COL27A1: variants seen among roughly 807,000 people sequenced by gnomAD.
COL27A1 encodes the protein collagen alpha-1(XXVII) chain.
Under a neutral mutation model 251.3 loss-of-function variants are expected in COL27A1, and 106 were observed. The ratio of observed to expected loss-of-function variants is 0.42; its 90% CI spans 0.36 to 0.50. COL27A1 has a LOEUF of 0.50. COL27A1 is among the 20% of genes least tolerant of loss of function. The pLI, the probability that COL27A1 is intolerant of heterozygous loss-of-function variation, is 0.00. For missense variants in COL27A1, 2,325 were observed against 2,522.8 expected, an observed-to-expected ratio of 0.92 and a Z score of 1.68; for synonymous variants, 1,000 against 986.3, an observed-to-expected ratio of 1.01 and a Z score of -0.26.
chr9:114,299,489 G>C (rs986289291), intron 49 of COL27A1, among the ~76,000 whole-genome samples: 2 of 152,208 alleles, frequency 1.3e-5, no homozygotes, highest in Non-Finnish European at 2.9e-5. Context: ...GAGGCCAAAG[G>C]TTCCTGGAAT....
chr9:114,235,530 G>T, intron 16 of COL27A1, 69 bp from the exon 17 acceptor site: 1 of 1,179,502 alleles, frequency 8.5e-7, no homozygotes, highest in Non-Finnish European at 1.3e-6. Context: ...CTCGCCAGGG[G>T]GTCTGTGGGG....
chr9:114,305,965 AC>A (rs1238501765), intron 57 of COL27A1, among the ~76,000 whole-genome samples: 1 of 152,228 alleles, frequency 6.6e-6, no homozygotes, highest in East Asian at 1.9e-4. Context: ...GGCCAGGGTA[AC>A]CCTGAATGGC....
At position 114,246,086 on chromosome 9, in the gene COL27A1, G is replaced by A; in HGVS notation, c.2979+176G>A. 3 of 558,556 alleles carry A rather than the reference G, an allele frequency of 5.4e-6. No individual in the cohort carries two copies. In the South Asian group the frequency reaches 7.7e-5, roughly 14 times the overall value. 34.6% of individuals were successfully genotyped at this position (558,556 alleles called of 1,614,324 possible). A position where few individuals can be genotyped will look rare whatever the true frequency, so the allele number is the denominator to read the frequency against. ...TGTGGACGGTGACCCTCAGAACGGGGAAGTCTGTAAATGAGAAAGCTGTGG... is the reference window on the plus strand; with the variant it reads ...TGTGGACGGTGACCCTCAGAACGGGAAAGTCTGTAAATGAGAAAGCTGTGG... On this transcript the variant is annotated intron_variant, in intron 24 of 60. Transcript: ENST00000356083.
intron 23 of COL27A1, among the ~76,000 whole-genome samples, chr9:114,245,020 C>T (rs1447594471): frequency 1.3e-5 from 2 of 152,116 alleles, no homozygotes; most frequent in African/African-American, 4.8e-5. Context: ...ATGGGACTCA[C>T]CCCAGCCACC....
intron 3 of COL27A1, among the ~76,000 whole-genome samples, chr9:114,177,925 G>T (rs1206206454): frequency 6.6e-6 from 1 of 152,140 alleles, no homozygotes. Flanking sequence ...GTTCCTTTGA[G>T]GAGACTGTCA....
At chr9:114,191,360 G>A (rs540558686) in intron 5 of COL27A1, among the ~76,000 whole-genome samples, 52 of 152,048 alleles carry the variant, frequency 3.4e-4, no homozygotes, top group Admixed American at 1.5e-3. Flanking sequence ...CTATCAACCC[G>A]TCACCTAGGT....
intron 41 of COL27A1, among the ~76,000 whole-genome samples, chr9:114,287,223 G>A (rs1370797283): frequency 6.6e-6 from 1 of 152,180 alleles, no homozygotes; most frequent in Non-Finnish European, 1.5e-5. Flanking sequence ...CACCAGGGAT[G>A]TGTCCCAGCC....
intron 28 of COL27A1, among the ~76,000 whole-genome samples, chr9:114,263,001 C>T (rs1367467332): frequency 9.1e-5 from 12 of 131,248 alleles, no homozygotes. Flanking sequence ...TGCAGTGGTG[C>T]GATCTCCGCT....
rs775862478 is a variant in COL27A1, at chr9:114,288,462, A to G, written c.3995A>G (p.Gln1332Arg). The G allele has an allele frequency of 1.5e-5, 24 of 1,610,076 alleles. No homozygotes were observed. In the South Asian group the frequency reaches 2.6e-4, roughly 17 times the overall value. Reference sequence around the variant, plus strand: ...CTGGTTCTGTGTCCACAGGGGGAGCAGGGCGAGGACGGCAAGGCTGAGGGG... The same window carrying G: ...CTGGTTCTGTGTCCACAGGGGGAGCGGGGCGAGGACGGCAAGGCTGAGGGG... ...PPGPKGEKGE[Q>R]GEDGKAEGPP... Residue 1332 changes from glutamine (Q) to arginine (R), a missense_variant, in exon 42 of 61, where the codon CAG becomes CGG. Coordinates refer to ENST00000356083, the MANE Select transcript of COL27A1 (RefSeq NM_032888.4).
intron 41 of COL27A1, 98 bp downstream of exon 41, chr9:114,284,875 T>A: frequency 8.2e-6 from 11 of 1,343,192 alleles, no homozygotes; most frequent in Non-Finnish European, 1.2e-5. Context: ...TACCCATGGC[T>A]GGAGAAGCCT....
At position 114,310,764 on chromosome 9, in the gene COL27A1, A is replaced by AGG. The variant is rs1434456488; in HGVS notation, c.*72_*73dup. 1.3e-6 allele frequency: 2 copies of AGG among 1,557,778 alleles called. No homozygotes were observed. Among genetic ancestry groups the AGG allele is most frequent in the Admixed American group, 3.4e-5 (2 of 58,486 alleles). ...AGGAAGAGGCAAGGGGAGGGTACTG[A>AGG]GGGGCAGATGGCTCCAGGAGAGGCA... On this transcript the variant is annotated 3_prime_UTR_variant, in exon 61 of 61. Transcript: ENST00000356083.
At chr9:114,301,791 C>T in intron 55 of COL27A1, 74 bp downstream of exon 55, 1 of 1,425,984 alleles carries the variant, frequency 7.0e-7, no homozygotes, top group Non-Finnish European at 9.7e-7. Context: ...GCTTCACCGG[C>T]AGACTAAGCC....
chr9:114,283,167 G>A (rs753085), intron 39 of COL27A1, among the ~76,000 whole-genome samples: 31,199 of 152,154 alleles, frequency 0.21, 3,823 homozygotes, highest in East Asian at 0.35. Context: ...AGTTTCTGCG[G>A]TGTAAATGCT....
intron 17 of COL27A1, among the ~76,000 whole-genome samples, chr9:114,236,022 C>T (rs985661545): frequency 6.6e-6 from 1 of 152,072 alleles, no homozygotes; most frequent in African/African-American, 2.4e-5. Flanking sequence ...GTGCATCTCT[C>T]TGATATTCTC....
chr9:114,263,483 G>T (rs1588812397), intron 28 of COL27A1, among the ~76,000 whole-genome samples: 2 of 152,080 alleles, frequency 1.3e-5, no homozygotes, highest in African/African-American at 4.8e-5. Flanking sequence ...TTTTCCACGG[G>T]TTTTTTCCAG....
At chr9:114,264,500 T>C in intron 29 of COL27A1, 92 bp downstream of exon 29, 1 of 1,049,926 alleles carries the variant, frequency 9.5e-7, no homozygotes. Flanking sequence ...ACAATGCCCC[T>C]TAGGGACAAC....
At chr9:114,195,678 G>A (rs4979352) in intron 6 of COL27A1, among the ~76,000 whole-genome samples, 15,004 of 152,228 alleles carry the variant, frequency 0.099, 1,322 homozygotes, top group East Asian at 0.52. Context: ...TTTCAAACGT[G>A]GTTTTAGTAT....
intron 7 of COL27A1, among the ~76,000 whole-genome samples, chr9:114,201,700 T>G (rs528941411): frequency 1.3e-5 from 2 of 152,264 alleles, no homozygotes; most frequent in East Asian, 3.9e-4. Context: ...GAAAGGAGAT[T>G]GTCAAACTAA....
At chr9:114,225,255 G>A (rs1053637906) in intron 14 of COL27A1, among the ~76,000 whole-genome samples, 29 of 152,178 alleles carry the variant, frequency 1.9e-4, no homozygotes, top group African/African-American at 6.8e-4. Flanking sequence ...CCTAGTCCAG[G>A]GCACTCCTCT....
Sources: allele counts gnomAD v4.1 joint callset (sites outside exome capture counted in the v4.1 genomes callset), GRCh38; gene constraint gnomAD v4.1.1; transcripts MANE v1.5; gene names NCBI Gene and HGNC (gene_info 2026-07-23, HGNC 2026-07-21).